STOX2: variants seen among roughly 807,000 people sequenced by gnomAD.
STOX2 encodes the protein storkhead-box protein 2.
STOX2 carries 28 observed loss-of-function variants against 60.9 expected under a neutral mutation model. The observed-to-expected ratio is 0.46, with a 90% CI of 0.34 to 0.63. STOX2 has a LOEUF of 0.63. STOX2 is among the 30% of genes least tolerant of loss of function. STOX2 has a pLI of 0.01. For missense variants in STOX2, 1,024 were observed against 1,187.7 expected, an observed-to-expected ratio of 0.86 and a Z score of 2.03; for synonymous variants, 472 against 463.9, an observed-to-expected ratio of 1.02 and a Z score of -0.22.
At chr4:183,805,588 A>G (rs1333020317) in intron 1 of STOX2, among the ~76,000 whole-genome samples, 14 of 152,186 alleles carry the variant, frequency 9.2e-5, no homozygotes, top group Non-Finnish European at 1.6e-4. Flanking sequence ...TGAGGGGATC[A>G]CTGGAGCCCA....
chr4:183,938,592 C>T (rs775096772), intron 1 of STOX2, among the ~76,000 whole-genome samples: 7 of 149,370 alleles, frequency 4.7e-5, no homozygotes, highest in Non-Finnish European at 7.4e-5. Context: ...TTGCTTGAAC[C>T]CAGGAGGCGG....
At chr4:183,847,937 T>C (rs1740024256) in intron 1 of STOX2, among the ~76,000 whole-genome samples, 1 of 152,178 alleles carries the variant, frequency 6.6e-6, no homozygotes, top group African/African-American at 2.4e-5. Flanking sequence ...GGATGCTACC[T>C]TATTACCTTT....
At chr4:183,930,133 G>A (rs917936277) in intron 1 of STOX2, among the ~76,000 whole-genome samples, 29 of 151,202 alleles carry the variant, frequency 1.9e-4, no homozygotes, top group Admixed American at 2.6e-4. Context: ...CAAAGTGCTG[G>A]GATTACAGGC....
At chr4:183,823,964 A>C (rs1739364060) in intron 1 of STOX2, among the ~76,000 whole-genome samples, 1 of 150,596 alleles carries the variant, frequency 6.6e-6, no homozygotes, top group African/African-American at 2.5e-5. Context: ...TCAGGTCTTG[A>C]TCTTTTTCCC....
At chr4:183,979,227 G>A (rs1560916420) in intron 1 of STOX2, among the ~76,000 whole-genome samples, 2 of 152,008 alleles carry the variant, frequency 1.3e-5, no homozygotes, top group Non-Finnish European at 1.5e-5. Flanking sequence ...CAAAAAGGTC[G>A]GGGGGCGGGC....
chr4:183,969,834 C>T (rs1743686666), intron 1 of STOX2, among the ~76,000 whole-genome samples: 1 of 152,176 alleles, frequency 6.6e-6, no homozygotes, highest in African/African-American at 2.4e-5. Context: ...ATTGCTCAGG[C>T]TAGCCTTGAA....
intron 1 of STOX2, among the ~76,000 whole-genome samples, chr4:183,957,859 A>AG (rs1490848963): frequency 2.0e-5 from 3 of 150,290 alleles, no homozygotes; most frequent in Non-Finnish European, 3.0e-5. Flanking sequence ...GGTTTCTTTC[A>AG]GGGGGGATGA....
intron 1 of STOX2, among the ~76,000 whole-genome samples, chr4:183,991,138 C>G (rs931735017): frequency 5.9e-5 from 9 of 152,152 alleles, no homozygotes; most frequent in Non-Finnish European, 1.2e-4. Flanking sequence ...TCTATCCACA[C>G]TATTTCCCAT....
intron 1 of STOX2, among the ~76,000 whole-genome samples, chr4:183,939,809 G>A (rs1742700835): frequency 2.0e-5 from 3 of 152,142 alleles, no homozygotes; most frequent in Non-Finnish European, 4.4e-5. Flanking sequence ...TCTGCAAGAT[G>A]ACATAATGGC....
At position 184,017,730 on chromosome 4, in the gene STOX2, AAAAAAC is replaced by A. The variant is rs1331181326; in HGVS notation, c.*452_*457del. The stretch of plus-strand genomic sequence containing the variant: ...AACAAAACAAAAAAAATTTAAAAAA[AAAAAAC>A]AAAAAACAAAACTAAGCTACCACGA... On this transcript the variant is annotated 3_prime_UTR_variant, in exon 4 of 4. Coordinates refer to ENST00000308497, the MANE Select transcript of STOX2 (RefSeq NM_020225.3). 2 of 152,546 alleles carry A rather than the reference AAAAAAC, an allele frequency of 1.3e-5. No homozygotes were observed. The highest frequency in any genetic ancestry group is 2.9e-5 in the Non-Finnish European group (2 of 68,222). The allele number at this position is 152,546 out of a possible 1,614,324, so 9.4% of individuals were successfully genotyped here. A position where few individuals can be genotyped will look rare whatever the true frequency, so the allele number is the denominator to read the frequency against.
chr4:184,010,227 C>T lies in STOX2; in HGVS notation c.1389C>T (p.Ser463=). Residue 463 remains serine, a synonymous_variant, in exon 3 of 4, where the codon TCC becomes TCT. Transcript: ENST00000308497. This position sits in a 1 kb window ranked among gnomAD's most constrained non-coding sequence, Gnocchi z 4.5. ...TTCCTGAACCTTCTAGGGGAAGCTC[C>T]CACTCAAAAGTGCACCGAAGCCACA... ...MPFPEPSRGS[S]HSKVHRSHSH... 6.4e-7 allele frequency: 1 copy of T among 1,556,890 alleles called. No individual in the cohort carries two copies. The highest frequency in any genetic ancestry group is 8.7e-7 in the Non-Finnish European group (1 of 1,150,228).
intron 2 of STOX2, among the ~76,000 whole-genome samples, chr4:184,007,237 TG>T (rs200414117): frequency 0.014 from 2,106 of 152,212 alleles, 22 homozygotes; most frequent in Non-Finnish European, 0.021. Context: ...GTAACACAAA[TG>T]GGTGTGTATG....
chr4:184,012,838 T>C (rs892075480), intron 3 of STOX2, among the ~76,000 whole-genome samples: 2 of 152,222 alleles, frequency 1.3e-5, no homozygotes, highest in African/African-American at 2.4e-5. Flanking sequence ...TAAATAATTT[T>C]TTATCTCAAA....
At chr4:184,014,104 C>T (rs1282227202) in intron 3 of STOX2, 34 of 117,358 alleles carry the variant, frequency 2.9e-4, no homozygotes, top group African/African-American at 9.9e-4. Context: ...GCAGCTAAGC[C>T]CCAACCAAAA....
At chr4:183,866,530 G>A (rs550305001) in intron 1 of STOX2, among the ~76,000 whole-genome samples, 175 of 152,198 alleles carry the variant, frequency 1.1e-3, no homozygotes, top group African/African-American at 3.8e-3. Context: ...GGATGGTGGA[G>A]GGGGAGGGGC....
chr4:183,862,388 CTGG>C (rs1403470384), intron 1 of STOX2, among the ~76,000 whole-genome samples: 1 of 152,162 alleles, frequency 6.6e-6, no homozygotes, highest in Non-Finnish European at 1.5e-5. Context: ...GTTGGCCAGG[CTGG>C]TCTTGAACTG....
chr4:183,839,527 A>G (rs995498863), intron 1 of STOX2, among the ~76,000 whole-genome samples: 14 of 152,186 alleles, frequency 9.2e-5, no homozygotes, highest in Non-Finnish European at 2.1e-4. Flanking sequence ...TCCTTTTAGA[A>G]CAACCAGCAT....
At chr4:183,902,092 A>G (rs75234520), upstream of STOX2, among the ~76,000 whole-genome samples, 1,034 of 152,366 alleles carry the variant, frequency 6.8e-3, 14 homozygotes, top group African/African-American at 0.024. Flanking sequence ...TAGTCATCAA[A>G]TATGTGCCAA....
chr4:183,925,642 A>G (rs1248377626), intron 1 of STOX2, among the ~76,000 whole-genome samples: 1 of 152,232 alleles, frequency 6.6e-6, no homozygotes, highest in African/African-American at 2.4e-5. Context: ...CTTTCTGTGT[A>G]TATAATGTTC....
Sources: gnomAD v4.1 joint callset for allele counts (sites outside exome capture counted in the v4.1 genomes callset) on GRCh38, gnomAD v4.1.1 for gene constraint, Gnocchi (gnomAD v3.1) non-coding constraint, MANE v1.5 for transcripts, NCBI Gene and HGNC (gene_info 2026-07-23, HGNC 2026-07-21) for gene names.